PDE6A: variants seen among roughly 807,000 people sequenced by gnomAD.
PDE6A encodes phosphodiesterase 6A, also known as rod cGMP-specific 3',5'-cyclic phosphodiesterase subunit alpha.
A neutral mutation model predicts 106.3 loss-of-function variants in PDE6A; 84 were observed. The observed-to-expected ratio is 0.79, with a 90% CI of 0.66 to 0.95. The LOEUF (loss-of-function observed/expected upper bound fraction) is 0.95, where lower values mean the gene tolerates loss of function less well. PDE6A is among the 40% of genes least tolerant of loss of function. The pLI is 0.00. For missense variants in PDE6A, 1,052 were observed against 1,084.9 expected (o/e 0.97, Z 0.43); for synonymous variants, 394 against 386.6 (o/e 1.02, Z -0.23).
intron 17 of PDE6A, among the ~76,000 whole-genome samples, chr5:149,870,204 G>A (rs1252719121): frequency 3.3e-5 from 5 of 152,108 alleles, no homozygotes; most frequent in African/African-American, 4.8e-5. Context: ...TGAGGGGATC[G>A]CTTGAACCCA....
rs1760107957 is a variant in PDE6A, at chr5:149,860,840, G to C, written c.*55C>G. Reference sequence around the variant, plus strand: ...GGTGTGTGGTCTTCCACTGGCTTGAGTCATCTCTTCCCAGGAAAGGGTGGT... The same window carrying C: ...GGTGTGTGGTCTTCCACTGGCTTGACTCATCTCTTCCCAGGAAAGGGTGGT... On this transcript the variant is annotated 3_prime_UTR_variant, in exon 22 of 22. Transcript: ENST00000255266. The C allele has an allele frequency of 2.1e-6, 3 of 1,450,118 alleles. No individual in the cohort carries two copies. In the African/African-American group the frequency reaches 4.2e-5, roughly 20 times the overall value. 89.8% of individuals were successfully genotyped at this position (1,450,118 alleles called of 1,614,324 possible). A position where few individuals can be genotyped will look rare whatever the true frequency, so the allele number is the denominator to read the frequency against.
chr5:149,919,802 A>T (rs147719441), intron 5 of PDE6A, among the ~76,000 whole-genome samples: 4 of 151,492 alleles, frequency 2.6e-5, no homozygotes, highest in Admixed American at 6.6e-5. Flanking sequence ...AAAGACTGCT[A>T]TTTTTTTTTC....
At chr5:149,908,654 A>C (rs567934835) in intron 6 of PDE6A, among the ~76,000 whole-genome samples, 2 of 152,248 alleles carry the variant, frequency 1.3e-5, no homozygotes, top group East Asian at 3.9e-4. Flanking sequence ...ATTTTTAAAA[A>C]TTACTTTTAA....
intron 16 of PDE6A, among the ~76,000 whole-genome samples, chr5:149,884,004 G>A (rs1388376231): frequency 6.6e-6 from 1 of 151,926 alleles, no homozygotes; most frequent in Non-Finnish European, 1.5e-5. Context: ...ATCAGCCTGG[G>A]TAACATAGTG....
At chr5:149,909,941 TA>T (rs1753322945) in intron 6 of PDE6A, among the ~76,000 whole-genome samples, 1 of 152,244 alleles carries the variant, frequency 6.6e-6, no homozygotes, top group Non-Finnish European at 1.5e-5. Context: ...TTTATTAGGT[TA>T]AATTCATTAA....
At chr5:149,862,813 C>T (rs1417986286) in intron 21 of PDE6A, among the ~76,000 whole-genome samples, 1 of 152,186 alleles carries the variant, frequency 6.6e-6, no homozygotes, top group Non-Finnish European at 1.5e-5. Context: ...TAGATCTTCT[C>T]CTTTGTCCCA....
At chr5:149,915,507 G>A (rs1340821884) in intron 5 of PDE6A, among the ~76,000 whole-genome samples, 1 of 152,168 alleles carries the variant, frequency 6.6e-6, no homozygotes, top group Admixed American at 6.5e-5. Flanking sequence ...CTCCCTCCAA[G>A]GATGTGCCTG....
At chr5:149,886,476 A>G (rs1752310658) in intron 13 of PDE6A, 102 bp from the exon 14 acceptor site, 2 of 820,376 alleles carry the variant, frequency 2.4e-6, no homozygotes, top group South Asian at 1.4e-5. Flanking sequence ...TAAAAAACTC[A>G]TGGGTCTGAT....
At chr5:149,919,750 T>C (rs542144068) in intron 5 of PDE6A, among the ~76,000 whole-genome samples, 63 of 152,266 alleles carry the variant, frequency 4.1e-4, no homozygotes, top group African/African-American at 1.4e-3. Context: ...ACAAGGGGCT[T>C]TGAAAGAGCC....
chr5:149,935,332 C>G (rs1754151038), intron 1 of PDE6A, among the ~76,000 whole-genome samples: 1 of 151,882 alleles, frequency 6.6e-6, no homozygotes, highest in African/African-American at 2.4e-5. Flanking sequence ...CTTAGAGAAG[C>G]CTGGATAAGG....
Position 149,912,803 on chromosome 5 carries a change from T to C in PDE6A, c.998+2140A>G, listed in dbSNP as rs967264277. On this transcript the variant is annotated intron_variant, in intron 6 of 21. Coordinates refer to ENST00000255266, the MANE Select transcript of PDE6A (RefSeq NM_000440.3). Reference sequence around the variant, plus strand: ...GCCTATCTTGGCTGAAACAAAGATTTGTGTCAGAAACAGGGTGCTGCCATA... The same window carrying C: ...GCCTATCTTGGCTGAAACAAAGATTCGTGTCAGAAACAGGGTGCTGCCATA... Among the ~76,000 whole-genome samples, 4 of 152,148 alleles carry C rather than the reference T, an allele frequency of 2.6e-5. No individual in the cohort carries two copies. In the East Asian group the frequency reaches 7.7e-4, roughly 29 times the overall value.
chr5:149,886,284 T>A lies in PDE6A; in HGVS notation c.1819A>T (p.Asn607Tyr), dbSNP rs1376195285. The change falls in exon 14 of 22, where the codon AAT (asparagine) becomes TAT (tyrosine). Residue 607 changes from asparagine to tyrosine, a missense_variant. By Grantham distance (143) the Asn-to-Tyr change is moderately radical (BLOSUM62 -2). Around this residue, in one of 3 missense-constraint regions of PDE6A, gnomAD observed 913 missense variants for 915.2 expected, o/e 1.00. Transcript: ENST00000255266. ...FCHDIDHRGT[N>Y]NLYQMKSQNP... ...ACTCACTTCATCTGGTAGAGGTTAT[T>A]GGTGCCTCTGTGGTCAATGTCATGG... is the stretch of plus-strand genomic sequence containing the variant. 6.2e-7 allele frequency: 1 copy of A among 1,613,368 alleles called. No homozygotes were observed. Among genetic ancestry groups the A allele is most frequent in the Non-Finnish European group, 8.5e-7 (1 of 1,179,276 alleles).
intron 4 of PDE6A, among the ~76,000 whole-genome samples, chr5:149,924,532 G>T (rs528272876): frequency 6.6e-6 from 1 of 151,246 alleles, no homozygotes; most frequent in Admixed American, 6.6e-5. Flanking sequence ...AATTAATTAC[G>T]GTATATTTAT....
chr5:149,888,925 T>C (rs534269495), intron 13 of PDE6A, among the ~76,000 whole-genome samples: 7 of 151,184 alleles, frequency 4.6e-5, no homozygotes, highest in Non-Finnish European at 1.0e-4. Flanking sequence ...CTACTAAAAA[T>C]ACAAAAAATT....
chr5:149,906,538 A>AAAAAAAAAAAAAAAAAAAAAAT (rs1211394804), intron 7 of PDE6A, among the ~76,000 whole-genome samples: 1 of 147,098 alleles, frequency 6.8e-6, no homozygotes, highest in Non-Finnish European at 1.5e-5. Flanking sequence ...AAAAAAAAAA[A>AAAAAAAAAAAAAAAAAAAAAAT]TCCCACCTTT....
chr5:149,924,609 T>C (rs1161308638), intron 4 of PDE6A, among the ~76,000 whole-genome samples: 1 of 152,158 alleles, frequency 6.6e-6, no homozygotes, highest in Non-Finnish European at 1.5e-5. Flanking sequence ...CCTACTTCTG[T>C]TCATGATGAC....
chr5:149,902,558 T>C (rs1043856003), intron 8 of PDE6A, among the ~76,000 whole-genome samples: 1 of 151,190 alleles, frequency 6.6e-6, no homozygotes, highest in Non-Finnish European at 1.5e-5. Flanking sequence ...CGGTAGCTCA[T>C]GCCTGTAATC....
Position 149,903,694 on chromosome 5 carries a change from A to G in PDE6A, c.1067T>C (p.Ile356Thr), listed in dbSNP as rs751614252. Residue 356 changes from isoleucine (I) to threonine (T), a missense_variant and splice_region_variant, in exon 8 of 22, where the codon ATT (isoleucine) becomes ACT (threonine). Coordinates refer to ENST00000255266, the MANE Select transcript of PDE6A (RefSeq NM_000440.3). ...CGCAGGCGCATTCATGATGTTGCAAATCTGAGAGCAGTGAAGGGGAATAAT... is the reference window on the plus strand; with the variant it reads ...CGCAGGCGCATTCATGATGTTGCAAGTCTGAGAGCAGTGAAGGGGAATAAT... ...LPAYVAQNGL[I>T]CNIMNAPAED... 4 of 1,613,442 alleles carry G rather than the reference A, an allele frequency of 2.5e-6. No individual in the cohort carries two copies. The African/African-American group carries it at 5.3e-5, about 22-fold the overall frequency.
intron 1 of PDE6A, among the ~76,000 whole-genome samples, chr5:149,943,730 G>C (rs1173254614): frequency 6.6e-6 from 1 of 151,122 alleles, no homozygotes; most frequent in African/African-American, 2.4e-5. Context: ...TGGAGGTACT[G>C]TGTGGAAGTA....
Sources: gnomAD v4.1 joint callset for allele counts (sites outside exome capture counted in the v4.1 genomes callset) on GRCh38, gnomAD v4.1.1 for gene constraint, gnomAD v4.1.1 regional missense constraint, MANE v1.5 for transcripts, NCBI Gene and HGNC (gene_info 2026-07-23, HGNC 2026-07-21) for gene names.